UNC80: variants seen among roughly 807,000 people sequenced by gnomAD.
UNC80 encodes protein unc-80 homolog.
In UNC80, 164 loss-of-function variants were observed where a neutral mutation model predicts 384.6. The observed-to-expected ratio is 0.43, with a 90% confidence interval of 0.38 to 0.49. The LOEUF (loss-of-function observed/expected upper bound fraction) is 0.49, where lower values mean the gene tolerates loss of function less well. Among genes scored for constraint, UNC80 ranks in the 20% least tolerant of loss-of-function variants. The pLI is 0.00. For synonymous variants in UNC80, 1,486 were observed against 1,527.8 expected (o/e 0.97, Z 0.64); for missense variants, 3,330 against 4,143.0 (o/e 0.80, Z 5.39).
chr2:209,853,935 AG>A lies in UNC80; in HGVS notation c.3627+4313del, dbSNP rs1266258363. Among the ~76,000 whole-genome samples the A allele has an allele frequency of 2.2e-5, 3 of 138,370 alleles. No homozygotes were observed. In the East Asian group the frequency reaches 9.4e-4, roughly 43 times the overall value. 90.8% of individuals were successfully genotyped at this position (138,370 alleles called of 152,430 possible). On this transcript the variant is annotated intron_variant, in intron 22 of 64. Transcript: ENST00000673920. The stretch of plus-strand genomic sequence containing the variant: ...TTGAGCCTCATAAGTAGACAGTTTT[AG>A]AAGGAGTGCATATATAATTCTTTTT...
At chr2:209,853,872 C>A (rs968811362) in intron 22 of UNC80, among the ~76,000 whole-genome samples, 2 of 152,010 alleles carry the variant, frequency 1.3e-5, no homozygotes, top group African/African-American at 2.4e-5. Context: ...ATAGAATTCT[C>A]CCTAGTCTGT....
rs753785496 is a variant in UNC80, at chr2:209,786,180, A to G, written c.715A>G (p.Ile239Val). The change falls in exon 5 of 65, where the codon ATC becomes GTC. Residue 239 changes from isoleucine to valine, a missense_variant. Transcript: ENST00000673920. ...CGCACTGGTGAAGCCCATCAGGAAC[A>G]TCATTACAGGTTTGTAACTTGGACA... ...FTALVKPIRNIITAKRSSPIN... is the reference protein window; with the variant it reads ...FTALVKPIRNVITAKRSSPIN... 6.2e-7 allele frequency: 1 copy of G among 1,613,878 alleles called. No individual in the cohort carries two copies. The highest frequency in any genetic ancestry group is 1.7e-5 in the Admixed American group (1 of 60,010).
intron 13 of UNC80, among the ~76,000 whole-genome samples, chr2:209,824,455 A>C (rs184275129): frequency 3.9e-5 from 6 of 152,304 alleles, no homozygotes; most frequent in Admixed American, 3.3e-4. Context: ...TGGCTCTTTA[A>C]GTAGTCCCCA....
At chr2:209,892,132 A>T (rs1006080575) in intron 26 of UNC80, among the ~76,000 whole-genome samples, 1 of 152,168 alleles carries the variant, frequency 6.6e-6, no homozygotes. Flanking sequence ...TTTATGATTT[A>T]TGCATTTAAA....
rs958114467 is a variant in UNC80, at chr2:209,795,044, G to A, written c.938+1185G>A. ...GAAGAGCTCAGAAGAAGACAGGGAA[G>A]TGTGGAAAAGTTTGGAACTTTACCT... On this transcript the variant is annotated intron_variant, in intron 7 of 64. Transcript: ENST00000673920. 24 of 215,418 alleles carry A rather than the reference G, an allele frequency of 1.1e-4. 1 individual carries two copies. The East Asian group carries it at 3.5e-3, about 31-fold the overall frequency. The allele number at this position is 215,418 out of a possible 1,614,324, so 13.3% of individuals were successfully genotyped here.
chr2:209,799,479 GA>G (rs2078395778), intron 7 of UNC80, among the ~76,000 whole-genome samples: 1 of 152,174 alleles, frequency 6.6e-6, no homozygotes, highest in Non-Finnish European at 1.5e-5. Flanking sequence ...GGGCTGAGAT[GA>G]TGGGGTTTTC....
intron 22 of UNC80, among the ~76,000 whole-genome samples, chr2:209,853,306 TA>T (rs1271031922): frequency 6.6e-6 from 1 of 152,142 alleles, no homozygotes; most frequent in African/African-American, 2.4e-5. Context: ...TTTATGTCCT[TA>T]AAAATAGAAT....
intron 33 of UNC80, among the ~76,000 whole-genome samples, 184 bp downstream of exon 33, chr2:209,918,847 C>CA (rs887782186): frequency 7.3e-5 from 11 of 150,446 alleles, no homozygotes; most frequent in East Asian, 1.9e-4. Flanking sequence ...TTGCAGATCT[C>CA]AAAAAAAAAG....
intron 28 of UNC80, among the ~76,000 whole-genome samples, chr2:209,901,457 C>CA (rs1267573637): frequency 2.6e-5 from 4 of 151,110 alleles, no homozygotes; most frequent in Non-Finnish European, 4.4e-5. Context: ...GGAAAAAAAA[C>CA]AAAAAAAAAT....
intron 56 of UNC80, among the ~76,000 whole-genome samples, chr2:209,975,870 T>G (rs1016609507): frequency 3.9e-5 from 6 of 152,086 alleles, no homozygotes; most frequent in Non-Finnish European, 8.8e-5. Context: ...TCCAAGATAG[T>G]AGTTCTTAAG....
chr2:209,888,347 GT>G lies in UNC80; in HGVS notation c.4276+88del, dbSNP rs1041891289. 8.7e-6 allele frequency: 12 copies of G among 1,381,084 alleles called. No homozygotes were observed. The Admixed American group carries it at 1.6e-4, about 19-fold the overall frequency. The allele number at this position is 1,381,084 out of a possible 1,614,324, so 85.6% of individuals were successfully genotyped here. On this transcript the variant is annotated intron_variant, in intron 26 of 64. Transcript: ENST00000673920. ...ACTAGGGTCTAAACTACAAAATTGT[GT>G]ACCCAAATTGTTGACTTCCTACAAT...
intron 33 of UNC80, 56 bp from the exon 34 acceptor site, chr2:209,921,444 C>G (rs1387402760): frequency 1.4e-6 from 2 of 1,478,806 alleles, no homozygotes; most frequent in Non-Finnish European, 1.8e-6. Flanking sequence ...ACTCTTTATG[C>G]CTGTGACCTT....
At chr2:209,777,139 T>A in intron 3 of UNC80, 119 bp from the exon 4 acceptor site, 3 of 1,174,290 alleles carry the variant, frequency 2.6e-6, no homozygotes, top group Non-Finnish European at 3.6e-6. Context: ...TGAGCCCTGC[T>A]AGCAGTGGTT....
chr2:209,960,347 C>T (rs753668537), intron 51 of UNC80, among the ~76,000 whole-genome samples: 5 of 152,204 alleles, frequency 3.3e-5, no homozygotes, highest in Non-Finnish European at 7.3e-5. Flanking sequence ...ACTCGTATTT[C>T]GTCTTCCTAC....
intron 4 of UNC80, among the ~76,000 whole-genome samples, chr2:209,780,759 C>A (rs1319590885): frequency 6.6e-6 from 1 of 152,002 alleles, no homozygotes; most frequent in Non-Finnish European, 1.5e-5. Flanking sequence ...CATTTGCCTG[C>A]CGTTATCAGG....
At chr2:209,780,032 G>T (rs991857402) in intron 4 of UNC80, among the ~76,000 whole-genome samples, 1 of 152,188 alleles carries the variant, frequency 6.6e-6, no homozygotes, top group Non-Finnish European at 1.5e-5. Flanking sequence ...AGGGCATTGT[G>T]AAGATTAAAC....
chr2:209,834,780 G>C (rs2081230334), intron 17 of UNC80, 132 bp from the exon 18 acceptor site: 2 of 646,614 alleles, frequency 3.1e-6, no homozygotes, highest in Non-Finnish European at 5.3e-6. Flanking sequence ...AAACAACATA[G>C]ACTCCTGGTG....
chr2:209,879,189 G>A (rs1265968208), intron 24 of UNC80, among the ~76,000 whole-genome samples: 1 of 152,054 alleles, frequency 6.6e-6, no homozygotes, highest in Non-Finnish European at 1.5e-5. Flanking sequence ...GATATCTAAA[G>A]TAGCCTAGAC....
chr2:209,967,404 T>C, intron 51 of UNC80, 33 bp from the exon 52 acceptor site: 2 of 1,387,718 alleles, frequency 1.4e-6, no homozygotes, highest in African/African-American at 1.5e-5. Context: ...AAGCTTATAC[T>C]TTAAAATATA....
Sources: gnomAD v4.1 joint callset for allele counts (sites outside exome capture counted in the v4.1 genomes callset) on GRCh38, gnomAD v4.1.1 for gene constraint, MANE v1.5 for transcripts, NCBI Gene and HGNC (gene_info 2026-07-23, HGNC 2026-07-21) for gene names.